Variants in NCR3 observed in about 807,000 individuals in gnomAD.
NCR3 encodes NK-p30.
A neutral mutation model predicts 16.1 loss-of-function variants in NCR3; 13 were observed. The observed-to-expected ratio is 0.81, with a 90% CI of 0.53 to 1.28. NCR3 has a LOEUF of 1.28. Among genes scored for constraint, NCR3 ranks in the 50% most tolerant of loss-of-function variants. NCR3 has a pLI of 0.00. For synonymous variants in NCR3, 98 were observed against 106.6 expected (o/e 0.92, Z 0.50); for missense variants, 202 against 256.8 (o/e 0.79, Z 1.46).
At chr6:31,590,332 T>G (rs1325480266) in intron 1 of NCR3, among the ~76,000 whole-genome samples, 1 of 152,208 alleles carries the variant, frequency 6.6e-6, no homozygotes, top group African/African-American at 2.4e-5. Context: ...CTGGGTGCAG[T>G]GGCTCACGCC....
chr6:31,590,131 G>C lies in NCR3; in HGVS notation c.44-5C>G. On this transcript the variant is annotated splice_polypyrimidine_tract_variant and splice_region_variant and intron_variant, in intron 1 of 3. Transcript: ENST00000340027. ...ACACCCAGAGAGCACAGGATCCTGG[G>C]GGCAGAAGGAAGACCCAGAGAAACA... 6.3e-7 allele frequency: 1 copy of C among 1,598,216 alleles called. No homozygotes were observed. Among genetic ancestry groups the C allele is most frequent in the Admixed American group, 1.7e-5 (1 of 57,292 alleles).
intron 1 of NCR3, 94 bp from the exon 2 acceptor site, chr6:31,590,220 C>T: frequency 1.8e-6 from 2 of 1,096,692 alleles, no homozygotes; most frequent in South Asian, 3.1e-5. Flanking sequence ...CAGCTTTCTC[C>T]AGGCATAGGG....
At position 31,588,933 on chromosome 6, in the gene NCR3, T is replaced by C. The variant is rs1772350015; in HGVS notation, c.*134A>G. 9 of 1,029,522 alleles carry C rather than the reference T, an allele frequency of 8.7e-6. No individual in the cohort carries two copies. The East Asian group carries it at 1.1e-4, about 12-fold the overall frequency. 63.8% of individuals were successfully genotyped at this position (1,029,522 alleles called of 1,614,324 possible). On this transcript the variant is annotated 3_prime_UTR_variant, in exon 4 of 4. Coordinates refer to ENST00000340027, the MANE Select transcript of NCR3 (RefSeq NM_147130.3). Reference sequence around the variant, plus strand: ...CACTCTGGGGTCAAATAGTAATTTATTGGGTGAATGACAGTGTTCAGGGAC... The same window carrying C: ...CACTCTGGGGTCAAATAGTAATTTACTGGGTGAATGACAGTGTTCAGGGAC...
chr6:31,590,325 GGT>G (rs1772530721), intron 1 of NCR3, among the ~76,000 whole-genome samples, 199 bp from the exon 2 acceptor site: 6 of 152,108 alleles, frequency 3.9e-5, no homozygotes, highest in Non-Finnish European at 8.8e-5. Context: ...TTTTCGGCTG[GGT>G]GCAGTGGCTC....
chr6:31,590,005 C>T lies in NCR3; in HGVS notation c.165G>A (p.Trp55Ter), dbSNP rs766787726. Residue 55 changes from tryptophan to a stop codon, truncating the protein, a stop_gained, in exon 2 of 4, where the codon TGG becomes TGA. Coordinates refer to ENST00000340027, the MANE Select transcript of NCR3 (RefSeq NM_147130.3). LOFTEE classifies it high-confidence loss of function. Reference sequence around the variant, plus strand: ...TCCCTGGAACCACCTCATCTCGGAACCACGTGACGGAGCCAATGGCCAGTC... The same window carrying T: ...TCCCTGGAACCACCTCATCTCGGAATCACGTGACGGAGCCAATGGCCAGTC... ...QGRLAIGSVTWFRDEVVPGKE... is the reference protein window; with the variant it reads ...QGRLAIGSVT 6.7e-5 allele frequency: 108 copies of T among 1,612,986 alleles called. No homozygotes were observed. Among genetic ancestry groups the T allele is most frequent in the Non-Finnish European group, 8.8e-5 (104 of 1,180,042 alleles).
rs571664341 is a variant in NCR3 at position 31,590,575 on chromosome 6, C to A, written c.44-449G>T. On this transcript the variant is annotated intron_variant, in intron 1 of 3. Coordinates refer to ENST00000340027, the MANE Select transcript of NCR3 (RefSeq NM_147130.3). ...CAAGATTGCGCCATTGCACTCCAGC[C>A]TGGGCGACAAAGCAAGACTCCATCT... Among the ~76,000 whole-genome samples the A allele has an allele frequency of 1.3e-3, 200 of 152,158 alleles. 1 individual carries two copies. The highest frequency in any genetic ancestry group is 3.4e-3 in the Middle Eastern group (1 of 294).
intron 1 of NCR3, among the ~76,000 whole-genome samples, chr6:31,592,249 C>CAA (rs1052841174): frequency 7.6e-6 from 1 of 132,388 alleles, no homozygotes; most frequent in African/African-American, 2.8e-5. Flanking sequence ...GACTCCGTCT[C>CAA]AAAAAAAAAA....
At chr6:31,591,042 C>T (rs111903518) in intron 1 of NCR3, among the ~76,000 whole-genome samples, 6 of 152,136 alleles carry the variant, frequency 3.9e-5, no homozygotes, top group African/African-American at 1.4e-4. Flanking sequence ...GTTTCACCAT[C>T]TGGTCTCAAA....
Position 31,589,841 on chromosome 6 carries a change from A to G in NCR3, c.329T>C (p.Val110Ala), listed in dbSNP as rs749689798. 1.2e-5 allele frequency: 20 copies of G among 1,612,858 alleles called. No homozygotes were observed. The highest frequency in any genetic ancestry group is 1.2e-4 in the African/African-American group (9 of 74,820). The change falls in exon 2 of 4, where the codon GTG (valine) becomes GCG (alanine). Residue 110 changes from valine (V) to alanine (A), a missense_variant. Coordinates refer to ENST00000340027, the MANE Select transcript of NCR3 (RefSeq NM_147130.3). This position sits in a 1 kb window ranked among gnomAD's most constrained non-coding sequence, Gnocchi z 4.8. ...GHDASIYVCR[V>A]EVLGLGVGTG... ...CCCGACACCAAGGCCCAGCACCTCC[A>G]CTCTGCACACGTAGATGCTGGCGTC...
In NCR3 at chr6:31,589,860, T is replaced by C. The variant is rs1223946484; in HGVS notation, c.310A>G (p.Ser104Gly). Reference protein sequence around the residue: ...HIRDVRGHDASIYVCRVEVLG... With the variant: ...HIRDVRGHDAGIYVCRVEVLG... ...ACCTCCACTCTGCACACGTAGATGCTGGCGTCATGGCCTCGCACGTCCCGG... is the reference window on the plus strand; with the variant it reads ...ACCTCCACTCTGCACACGTAGATGCCGGCGTCATGGCCTCGCACGTCCCGG... Residue 104 changes from serine (S) to glycine (G), a missense_variant, in exon 2 of 4, where the codon AGC becomes GGC. Transcript: ENST00000340027. The surrounding 1 kb of genome is among the most constrained non-coding windows in gnomAD (Gnocchi z 4.8). 2 of 1,613,126 alleles carry C rather than the reference T, an allele frequency of 1.2e-6. No homozygotes were observed. Among genetic ancestry groups the C allele is most frequent in the African/African-American group, 2.7e-5 (2 of 74,940 alleles).
In NCR3 at chr6:31,588,966, C is replaced by T. The variant is rs1772355297; in HGVS notation, c.*101G>A. 2.3e-6 allele frequency: 3 copies of T among 1,329,640 alleles called. No homozygotes were observed. The highest frequency in any genetic ancestry group is 3.0e-6 in the Non-Finnish European group (3 of 987,886). 82.4% of individuals were successfully genotyped at this position (1,329,640 alleles called of 1,614,324 possible). ...ATGACAGTGTTCAGGGACCCAAGCT[C>T]CCCTAACAGCCAGAAGAGGGTATGT... On this transcript the variant is annotated 3_prime_UTR_variant, in exon 4 of 4. Coordinates refer to ENST00000340027, the MANE Select transcript of NCR3 (RefSeq NM_147130.3).
Position 31,589,248 on chromosome 6 carries a change from A to T in NCR3, c.497-72T>A, listed in dbSNP as rs1214182500. 1.3e-6 allele frequency: 2 copies of T among 1,567,466 alleles called. No individual in the cohort carries two copies. Among genetic ancestry groups the T allele is most frequent in the East Asian group, 4.7e-5 (2 of 42,230 alleles). On this transcript the variant is annotated intron_variant, in intron 3 of 3. Coordinates refer to ENST00000340027, the MANE Select transcript of NCR3 (RefSeq NM_147130.3). This position sits in a 1 kb window ranked among gnomAD's most constrained non-coding sequence, Gnocchi z 4.8. ...ATTTGGCATCTGGAGAATGGAGAAG[A>T]AAACACTTGAGACTCATGAGGAGTT...
Position 31,589,224 on chromosome 6 carries a change from T to C in NCR3, c.497-48A>G, listed in dbSNP as rs745483097. ...GTTGGGGGAATCCGGAGAGAGTAGA[T>C]TTGGCATCTGGAGAATGGAGAAGAA... is the stretch of plus-strand genomic sequence containing the variant. On this transcript the variant is annotated intron_variant, in intron 3 of 3. Coordinates refer to ENST00000340027, the MANE Select transcript of NCR3 (RefSeq NM_147130.3). The surrounding 1 kb of genome is among the most constrained non-coding windows in gnomAD (Gnocchi z 4.8). 3.1e-6 allele frequency: 5 copies of C among 1,594,136 alleles called. No individual in the cohort carries two copies. The African/African-American group carries it at 5.4e-5, about 17-fold the overall frequency.
In NCR3 at chr6:31,590,027, A is replaced by C; in HGVS notation, c.143T>G (p.Leu48Arg). The change falls in exon 2 of 4, where the codon CTG becomes CGG. Residue 48 changes from leucine (L) to arginine (R), a missense_variant. Physicochemically the swap from Leu to Arg is moderately radical, Grantham distance 102. Transcript: ENST00000340027. ...GAACCACGTGACGGAGCCAATGGCC[A>C]GTCTCCCTTGGCTGGCATTGAAGGA... ...PCSFNASQGRLAIGSVTWFRD... is the reference protein window; with the variant it reads ...PCSFNASQGRRAIGSVTWFRD... 1.2e-6 allele frequency: 2 copies of C among 1,613,056 alleles called. No individual in the cohort carries two copies. Among genetic ancestry groups the C allele is most frequent in the East Asian group, 4.5e-5 (2 of 44,886 alleles).
chr6:31,591,637 G>A (rs1247188757), intron 1 of NCR3, among the ~76,000 whole-genome samples: 1 of 149,876 alleles, frequency 6.7e-6, no homozygotes, highest in East Asian at 2.0e-4. Flanking sequence ...CCAACATGGT[G>A]AAACCTCGTC....
intron 1 of NCR3, among the ~76,000 whole-genome samples, chr6:31,590,945 T>C (rs770580378): frequency 1.4e-4 from 22 of 152,104 alleles, no homozygotes; most frequent in Non-Finnish European, 2.6e-4. Flanking sequence ...GTTCAAGCGA[T>C]CCTGGTGCCT....
chr6:31,589,832 A>G lies in NCR3; in HGVS notation c.338T>C (p.Leu113Pro). Residue 113 changes from leucine (L) to proline (P), a missense_variant, in exon 2 of 4, where the codon CTG becomes CCG. Transcript: ENST00000340027. This position sits in a 1 kb window ranked among gnomAD's most constrained non-coding sequence, Gnocchi z 4.8. ...ASIYVCRVEV[L>P]GLGVGTGNGT... The stretch of plus-strand genomic sequence containing the variant: ...ATTCCCTGTCCCGACACCAAGGCCC[A>G]GCACCTCCACTCTGCACACGTAGAT... The G allele has an allele frequency of 6.2e-7, 1 of 1,613,234 alleles. No individual in the cohort carries two copies. The highest frequency in any genetic ancestry group is 8.5e-7 in the Non-Finnish European group (1 of 1,179,996).
rs1256086667 is a variant in NCR3 at position 31,590,033 on chromosome 6, C to T, written c.137G>A (p.Gly46Glu). The change falls in exon 2 of 4, where the codon GGG becomes GAG. Residue 46 changes from glycine to glutamate, a missense_variant. Physicochemically the swap from Gly to Glu is moderately conservative, Grantham distance 98. Coordinates refer to ENST00000340027, the MANE Select transcript of NCR3 (RefSeq NM_147130.3). ...CGTGACGGAGCCAATGGCCAGTCTC[C>T]CTTGGCTGGCATTGAAGGAGCAGGG... Reference protein sequence around the residue: ...FLPCSFNASQGRLAIGSVTWF... With the variant: ...FLPCSFNASQERLAIGSVTWF... 1.2e-6 allele frequency: 2 copies of T among 1,613,066 alleles called. No individual in the cohort carries two copies. The highest frequency in any genetic ancestry group is 1.7e-5 in the Admixed American group (1 of 60,020).
chr6:31,591,339 T>C (rs1772619461), intron 1 of NCR3, among the ~76,000 whole-genome samples: 1 of 152,208 alleles, frequency 6.6e-6, no homozygotes, highest in South Asian at 2.1e-4. Flanking sequence ...CAAACTTGAG[T>C]GTGTATGGAA....
Sources: allele counts gnomAD v4.1 joint callset (sites outside exome capture counted in the v4.1 genomes callset), GRCh38; gene constraint gnomAD v4.1.1; non-coding constraint Gnocchi (gnomAD v3.1); transcripts MANE v1.5; gene names NCBI Gene and HGNC (gene_info 2026-07-23, HGNC 2026-07-21).